ARHGAP44: variants seen among roughly 807,000 people sequenced by gnomAD.
ARHGAP44 encodes Rho GTPase activating protein 44, also known as rho GTPase-activating protein 44.
Under a neutral mutation model 106.8 loss-of-function variants are expected in ARHGAP44, and 43 were observed. The observed-to-expected ratio is 0.40, with a 90% CI of 0.32 to 0.52. The LOEUF (loss-of-function observed/expected upper bound fraction) is 0.52. Ranked by LOEUF, ARHGAP44 falls within the 20% of genes least tolerant of loss-of-function variation. The probability of loss-of-function intolerance (pLI) is 0.48; values close to 1 mark genes in which losing one functional copy is unlikely to be tolerated. For missense variants in ARHGAP44, 866 were observed against 1,050.5 expected (o/e 0.82, Z 2.43); for synonymous variants, 439 against 410.3 (o/e 1.07, Z -0.85).
chr17:12,805,026 A>G (rs1373867894), intron 1 of ARHGAP44, among the ~76,000 whole-genome samples: 2 of 152,210 alleles, frequency 1.3e-5, no homozygotes, highest in African/African-American at 4.8e-5. Context: ...AAAGCAATTA[A>G]ATATGCCACT....
intron 1 of ARHGAP44, among the ~76,000 whole-genome samples, chr17:12,853,535 A>G (rs908400328): frequency 6.6e-6 from 1 of 152,208 alleles, no homozygotes; most frequent in Admixed American, 6.5e-5. Flanking sequence ...CACAGAGGAC[A>G]GAAAGGTAAA....
At chr17:12,910,987 C>T (rs917901126) in intron 4 of ARHGAP44, among the ~76,000 whole-genome samples, 2 of 105,636 alleles carry the variant, frequency 1.9e-5, no homozygotes, top group African/African-American at 7.4e-5. Context: ...TTCAAACTAA[C>T]AAAGGATGAA....
chr17:12,802,482 A>G (rs971770118), intron 1 of ARHGAP44, among the ~76,000 whole-genome samples: 1 of 152,150 alleles, frequency 6.6e-6, no homozygotes, highest in African/African-American at 2.4e-5. Context: ...TAGTTCGTTA[A>G]GTCCGATCTT....
chr17:12,796,296 T>C (rs186007713), intron 1 of ARHGAP44, among the ~76,000 whole-genome samples: 4 of 152,342 alleles, frequency 2.6e-5, no homozygotes, highest in Admixed American at 6.5e-5. Context: ...TTGAAGGCTA[T>C]ACAGTATTCC....
chr17:12,967,248 GCTTTTTTTTTTTT>G (rs764525671), intron 16 of ARHGAP44, among the ~76,000 whole-genome samples: 1 of 84,442 alleles, frequency 1.2e-5, no homozygotes, highest in Non-Finnish European at 2.3e-5. Context: ...AACTCTTTTT[GCTTTTTTTTTTTT>G]TTTTTTTTTT....
In ARHGAP44 at chr17:12,977,751, G is replaced by A. The variant is rs376570498; in HGVS notation, c.1764-2307G>A. Among the ~76,000 whole-genome samples the A allele has an allele frequency of 7.9e-5, 12 of 152,210 alleles. No individual in the cohort carries two copies. In the South Asian group the frequency reaches 2.5e-3, roughly 32 times the overall value. On this transcript the variant is annotated intron_variant, in intron 18 of 20. Coordinates refer to ENST00000379672, the MANE Select transcript of ARHGAP44 (RefSeq NM_014859.6). ...TACTTGTTTCTGTGCTGGAGGAAGT[G>A]TGTCCGGGCCGGGCGTGGTAGCTCA... is the stretch of plus-strand genomic sequence containing the variant.
chr17:12,819,812 T>C (rs565874340), intron 1 of ARHGAP44, among the ~76,000 whole-genome samples: 9 of 152,220 alleles, frequency 5.9e-5, no homozygotes, highest in African/African-American at 9.6e-5. Context: ...CTATTTTGCA[T>C]GTAAGTCATT....
intron 5 of ARHGAP44, among the ~76,000 whole-genome samples, chr17:12,918,478 T>C (rs1270805369): frequency 1.3e-5 from 2 of 152,092 alleles, no homozygotes; most frequent in African/African-American, 4.8e-5. Flanking sequence ...AATCCTGCAC[T>C]GGGATGTTCA....
Position 12,953,349 on chromosome 17 carries a change from C to T in ARHGAP44, c.1136+768C>T, listed in dbSNP as rs531384310. Among the ~76,000 whole-genome samples the T allele has an allele frequency of 1.3e-4, 20 of 152,318 alleles. No individual in the cohort carries two copies. In the South Asian group the frequency reaches 2.9e-3, roughly 22 times the overall value. On this transcript the variant is annotated intron_variant, in intron 13 of 20. Transcript: ENST00000379672. ...CGCTTTGTCTTGCCAGCACCCATCCCGGCCCTGCCGCCTTTCCTCCCAGCT... is the reference window on the plus strand; with the variant it reads ...CGCTTTGTCTTGCCAGCACCCATCCTGGCCCTGCCGCCTTTCCTCCCAGCT...
intron 1 of ARHGAP44, among the ~76,000 whole-genome samples, chr17:12,851,212 T>C (rs1398775585): frequency 1.3e-5 from 2 of 152,222 alleles, no homozygotes; most frequent in Non-Finnish European, 1.5e-5. Context: ...CTGTGGCCTC[T>C]CCCTGCATCT....
At chr17:12,945,536 A>G (rs144045795) in intron 10 of ARHGAP44, among the ~76,000 whole-genome samples, 4 of 152,158 alleles carry the variant, frequency 2.6e-5, no homozygotes, top group East Asian at 1.9e-4. Flanking sequence ...AGATGAATCT[A>G]GCATCTCTCA....
intron 7 of ARHGAP44, among the ~76,000 whole-genome samples, chr17:12,932,824 T>C (rs1480876525): frequency 1.3e-5 from 2 of 152,168 alleles, no homozygotes; most frequent in Admixed American, 6.5e-5. Flanking sequence ...TTCTGGACTC[T>C]ATGTTTCATT....
At chr17:12,879,488 G>A (rs1309672596) in intron 1 of ARHGAP44, among the ~76,000 whole-genome samples, 1 of 152,090 alleles carries the variant, frequency 6.6e-6, no homozygotes, top group Non-Finnish European at 1.5e-5. Context: ...ATACCCAGGA[G>A]TGGGATTGCT....
chr17:12,852,466 C>T lies in ARHGAP44; in HGVS notation c.54-42474C>T, dbSNP rs184901784. 6.7e-5 allele frequency among the ~76,000 whole-genome samples: 10 copies of T among 149,546 alleles called. No individual in the cohort carries two copies. The East Asian group carries it at 2.0e-3, about 30-fold the overall frequency. The stretch of plus-strand genomic sequence containing the variant: ...AACCTCTATTAGTTTTCATTAAATC[C>T]CTCTATTGCTTATATCTTTTGTATT... On this transcript the variant is annotated intron_variant, in intron 1 of 20. Coordinates refer to ENST00000379672, the MANE Select transcript of ARHGAP44 (RefSeq NM_014859.6).
chr17:12,990,173 A>C lies in ARHGAP44; in HGVS notation c.*2A>C. On this transcript the variant is annotated 3_prime_UTR_variant, in exon 21 of 21. Coordinates refer to ENST00000379672, the MANE Select transcript of ARHGAP44 (RefSeq NM_014859.6). The stretch of plus-strand genomic sequence containing the variant: ...GAGTCTGAGAGCACCGCCCTCTGAC[A>C]TGACACCGCCCATCCTGCCTCGCGT... 1 of 1,611,028 alleles carries C rather than the reference A, an allele frequency of 6.2e-7. No homozygotes were observed. Among genetic ancestry groups the C allele is most frequent in the East Asian group, 2.2e-5 (1 of 44,742 alleles).
At chr17:12,803,984 G>C (rs2034197183) in intron 1 of ARHGAP44, among the ~76,000 whole-genome samples, 1 of 152,170 alleles carries the variant, frequency 6.6e-6, no homozygotes, top group Non-Finnish European at 1.5e-5. Flanking sequence ...ATAATTCAGA[G>C]TGGCTTAAAC....
intron 1 of ARHGAP44, among the ~76,000 whole-genome samples, chr17:12,805,113 G>A (rs148011306): frequency 7.9e-5 from 12 of 152,308 alleles, no homozygotes; most frequent in African/African-American, 2.9e-4. Context: ...TGGCTGTAGT[G>A]GGGGGTTGGA....
At chr17:12,945,889 C>T (rs146766048) in intron 10 of ARHGAP44, among the ~76,000 whole-genome samples, 35 of 152,164 alleles carry the variant, frequency 2.3e-4, no homozygotes, top group African/African-American at 7.7e-4. Context: ...CAGGTTCAAG[C>T]GATTCTCCTA....
intron 1 of ARHGAP44, among the ~76,000 whole-genome samples, chr17:12,835,591 G>A (rs769384890): frequency 1.4e-5 from 2 of 147,264 alleles, no homozygotes; most frequent in Non-Finnish European, 3.0e-5. Context: ...TTTTACCGTG[G>A]TTACGTGGCA....
Sources: allele counts gnomAD v4.1 joint callset (sites outside exome capture counted in the v4.1 genomes callset), GRCh38; gene constraint gnomAD v4.1.1; transcripts MANE v1.5; gene names NCBI Gene and HGNC (gene_info 2026-07-23, HGNC 2026-07-21).